The following NELL2 variants were observed in gnomAD, a reference collection of about 807,000 sequenced individuals.
NELL2 encodes neural EGFL like 2.
Under a neutral mutation model 109.6 loss-of-function variants are expected in NELL2, and 41 were observed. The observed-to-expected ratio is 0.37, with a 90% confidence interval of 0.29 to 0.49. The LOEUF (loss-of-function observed/expected upper bound fraction) is 0.49, where lower values mean the gene tolerates loss of function less well. Ranked by LOEUF, NELL2 falls within the 20% of genes least tolerant of loss-of-function variation. The pLI, the probability that NELL2 is intolerant of heterozygous loss-of-function variation, is 0.98. For synonymous variants in NELL2, 355 were observed against 344.7 expected (o/e 1.03, Z -0.33); for missense variants, 900 against 1,008.3 (o/e 0.89, Z 1.45).
chr12:44,547,100 A>G (rs1041501684), intron 15 of NELL2, among the ~76,000 whole-genome samples: 4 of 152,212 alleles, frequency 2.6e-5, no homozygotes, highest in African/African-American at 7.2e-5. Flanking sequence ...GAGCTGCCAC[A>G]GCTACTTATA....
At chr12:44,788,538 T>C (rs1942265139) in intron 3 of NELL2, among the ~76,000 whole-genome samples, 1 of 152,156 alleles carries the variant, frequency 6.6e-6, no homozygotes, top group South Asian at 2.1e-4. Flanking sequence ...AGCAGGCCAT[T>C]CCTGCCTAGC....
chr12:44,744,135 G>A (rs1168765389), intron 9 of NELL2, among the ~76,000 whole-genome samples: 2 of 152,098 alleles, frequency 1.3e-5, no homozygotes, highest in African/African-American at 2.4e-5. Flanking sequence ...TAGAACTCAG[G>A]ATTAAGAAAC....
At chr12:44,905,511 A>G (rs924167259) in intron 1 of NELL2, among the ~76,000 whole-genome samples, 13 of 152,088 alleles carry the variant, frequency 8.5e-5, no homozygotes, top group South Asian at 6.2e-4. Flanking sequence ...TTTTAAAGTG[A>G]GTTTTCAATA....
At chr12:44,805,405 A>C (rs2136661891) in intron 3 of NELL2, among the ~76,000 whole-genome samples, 1 of 152,038 alleles carries the variant, frequency 6.6e-6, no homozygotes, top group African/African-American at 2.4e-5. Flanking sequence ...ATAGGTTAGT[A>C]GAACAGAAAA....
rs546180278 is a variant in NELL2 at position 44,673,029 on chromosome 12, A to G, written c.1319-7420T>C. Among the ~76,000 whole-genome samples, 3 of 152,336 alleles carry G rather than the reference A, an allele frequency of 2.0e-5. No homozygotes were observed. In the East Asian group the frequency reaches 5.8e-4, roughly 29 times the overall value. ...TATAAGATTCATGACCAAGAGATCT[A>G]AAGTGTCAGCCTATTACTTGGAGTA... On this transcript the variant is annotated intron_variant, in intron 12 of 19. Transcript: ENST00000429094.
At chr12:44,751,151 G>A (rs1397690721) in intron 9 of NELL2, among the ~76,000 whole-genome samples, 1 of 152,148 alleles carries the variant, frequency 6.6e-6, no homozygotes, top group Non-Finnish European at 1.5e-5. Flanking sequence ...ATTAAGGGAT[G>A]AGAGACAGGG....
chr12:44,742,738 G>A (rs919507322), intron 9 of NELL2, among the ~76,000 whole-genome samples: 9 of 152,282 alleles, frequency 5.9e-5, no homozygotes, highest in African/African-American at 2.2e-4. Flanking sequence ...GAAGCGAGAA[G>A]AGAAGTTTAG....
At position 44,683,986 on chromosome 12, in the gene NELL2, G is replaced by C. The variant is rs1217622382; in HGVS notation, c.1319-18377C>G. ...TTTTCTATTGATTGGAATAGTTTCA[G>C]AAGGAATGGTACCAGTTCCTCCTTG... is the stretch of plus-strand genomic sequence containing the variant. On this transcript the variant is annotated intron_variant, in intron 12 of 19. Transcript: ENST00000429094. Among the ~76,000 whole-genome samples the C allele has an allele frequency of 1.4e-4, 21 of 152,304 alleles. No individual in the cohort carries two copies. The East Asian group carries it at 3.1e-3, about 22-fold the overall frequency.
chr12:44,586,199 A>G (rs1401601843), intron 15 of NELL2, among the ~76,000 whole-genome samples: 1 of 148,462 alleles, frequency 6.7e-6, no homozygotes, highest in Non-Finnish European at 1.5e-5. Context: ...ATATATACAT[A>G]TATTTATATA....
chr12:44,852,768 A>G lies in NELL2; in HGVS notation c.184+22457T>C, dbSNP rs12228184. Reference sequence around the variant, plus strand: ...GAGTGAATGCTCATTTTTTTCCATTAGTCTTTGAAACGTGTTCTAATTTGA... The same window carrying G: ...GAGTGAATGCTCATTTTTTTCCATTGGTCTTTGAAACGTGTTCTAATTTGA... On this transcript the variant is annotated intron_variant, in intron 2 of 19. Transcript: ENST00000429094. Among the ~76,000 whole-genome samples, 107 of 152,282 alleles carry G rather than the reference A, an allele frequency of 7.0e-4. No homozygotes were observed. In the East Asian group the frequency reaches 0.02, roughly 28 times the overall value.
chr12:44,902,379 C>A (rs1227289664), intron 1 of NELL2, among the ~76,000 whole-genome samples: 1 of 152,090 alleles, frequency 6.6e-6, no homozygotes, highest in Non-Finnish European at 1.5e-5. Context: ...GAACTAAAAA[C>A]CGCTGCTCAA....
At chr12:44,800,408 A>G (rs1449619060) in intron 3 of NELL2, among the ~76,000 whole-genome samples, 4 of 152,138 alleles carry the variant, frequency 2.6e-5, no homozygotes, top group Non-Finnish European at 5.9e-5. Context: ...AGAATACACT[A>G]ATCTTCTCTT....
chr12:44,622,317 T>C (rs1275028891), intron 13 of NELL2, among the ~76,000 whole-genome samples: 1 of 152,122 alleles, frequency 6.6e-6, no homozygotes, highest in African/African-American at 2.4e-5. Flanking sequence ...TTCATGTCAG[T>C]GCTGCCCCTA....
At chr12:44,893,677 C>T (rs1404429220) in intron 1 of NELL2, among the ~76,000 whole-genome samples, 2 of 152,140 alleles carry the variant, frequency 1.3e-5, no homozygotes, top group African/African-American at 4.8e-5. Flanking sequence ...AGCTGTGTTC[C>T]TGTGCCCAGT....
At chr12:44,601,404 AT>A (rs914966099) in intron 15 of NELL2, among the ~76,000 whole-genome samples, 84 of 152,292 alleles carry the variant, frequency 5.5e-4, no homozygotes, top group African/African-American at 2.0e-3. Flanking sequence ...TAAAAGATTA[AT>A]TTTTAAAGTT....
Position 44,540,569 on chromosome 12 carries a change from T to C in NELL2, c.1664-7848A>G, listed in dbSNP as rs1014612882. On this transcript the variant is annotated intron_variant, in intron 15 of 19. Transcript: ENST00000429094. ...TCAACCTACTCATCTCCTCCCACCA[T>C]GAGCAGATTGCTGAAAGCAAGCAGT... is the stretch of plus-strand genomic sequence containing the variant. 5.3e-5 allele frequency among the ~76,000 whole-genome samples: 8 copies of C among 152,204 alleles called. No individual in the cohort carries two copies. In the South Asian group the frequency reaches 1.7e-3, roughly 32 times the overall value.
chr12:44,732,751 C>T (rs1016062718), intron 9 of NELL2, among the ~76,000 whole-genome samples: 9 of 152,062 alleles, frequency 5.9e-5, no homozygotes, highest in Admixed American at 5.9e-4. Flanking sequence ...AAACACTCAA[C>T]AGAATGAAAG....
intron 9 of NELL2, among the ~76,000 whole-genome samples, chr12:44,723,355 C>G (rs767386145): frequency 6.6e-6 from 1 of 152,172 alleles, no homozygotes; most frequent in African/African-American, 2.4e-5. Flanking sequence ...ATAAAATTAA[C>G]ATTTGAATAG....
At chr12:44,660,107 T>C (rs977402087) in intron 13 of NELL2, among the ~76,000 whole-genome samples, 1 of 152,118 alleles carries the variant, frequency 6.6e-6, no homozygotes, top group Non-Finnish European at 1.5e-5. Flanking sequence ...ACAGGGTCCT[T>C]TTTGTGGCCA....
Sources: allele counts gnomAD v4.1 joint callset (sites outside exome capture counted in the v4.1 genomes callset), GRCh38; gene constraint gnomAD v4.1.1; transcripts MANE v1.5; gene names NCBI Gene and HGNC (gene_info 2026-07-23, HGNC 2026-07-21).